AGBL4: variants seen among roughly 807,000 people sequenced by gnomAD.
AGBL4 encodes the protein cytosolic carboxypeptidase 6.
Under a neutral mutation model 66.4 loss-of-function variants are expected in AGBL4, and 58 were observed. That is an observed-to-expected ratio of 0.87 (90% CI 0.71 to 1.09). The LOEUF (loss-of-function observed/expected upper bound fraction) is 1.09. Among genes scored for constraint, AGBL4 ranks in the 50% least tolerant of loss-of-function variants. The pLI is 0.00. For missense variants in AGBL4, 579 were observed against 631.0 expected (o/e 0.92, Z 0.88); for synonymous variants, 234 against 222.9 (o/e 1.05, Z -0.44).
chr1:49,563,177 T>C (rs537323621), intron 3 of AGBL4, among the ~76,000 whole-genome samples: 4,631 of 149,876 alleles, frequency 0.031, 105 homozygotes, highest in Non-Finnish European at 0.047. Flanking sequence ...GAGACTTTGC[T>C]GAAGTTGCTT....
chr1:49,494,156 C>T (rs1234710110), intron 3 of AGBL4, among the ~76,000 whole-genome samples: 2 of 151,920 alleles, frequency 1.3e-5, no homozygotes, highest in African/African-American at 4.8e-5. Flanking sequence ...ATTAAATTCA[C>T]TGAAGCCCAC....
chr1:49,966,689 CATT>C (rs1182793421), intron 1 of AGBL4, among the ~76,000 whole-genome samples: 1 of 152,068 alleles, frequency 6.6e-6, no homozygotes, highest in Non-Finnish European at 1.5e-5. Context: ...GTATCTATAT[CATT>C]AAGTGTCTTG....
chr1:49,290,088 AATC>A (rs1369458750), intron 3 of AGBL4, among the ~76,000 whole-genome samples: 22 of 152,224 alleles, frequency 1.4e-4, no homozygotes, highest in Admixed American at 9.2e-4. Flanking sequence ...ATTTAAATAA[AATC>A]ATCAAATTAC....
intron 2 of AGBL4, among the ~76,000 whole-genome samples, chr1:49,846,840 G>T (rs1013013529): frequency 3.3e-5 from 5 of 152,102 alleles, no homozygotes; most frequent in African/African-American, 1.2e-4. Context: ...TACTGTTAAA[G>T]TGATCACACT....
At chr1:49,544,716 G>A (rs1652341057) in intron 3 of AGBL4, among the ~76,000 whole-genome samples, 1 of 152,202 alleles carries the variant, frequency 6.6e-6, no homozygotes, top group African/African-American at 2.4e-5. Context: ...AGAAAACTGA[G>A]GTTCAGATTA....
intron 4 of AGBL4, among the ~76,000 whole-genome samples, chr1:49,077,801 G>A (rs1211720350): frequency 6.6e-6 from 1 of 152,052 alleles, no homozygotes; most frequent in Non-Finnish European, 1.5e-5. Flanking sequence ...GCTTCCAAAT[G>A]TATTTGTACC....
intron 1 of AGBL4, among the ~76,000 whole-genome samples, chr1:49,949,081 T>C (rs560797133): frequency 1.3e-5 from 2 of 150,778 alleles, no homozygotes; most frequent in South Asian, 2.1e-4. Flanking sequence ...GACAAAAACA[T>C]AAAGTGGGGA....
rs535178877 is a variant in AGBL4 at position 48,605,920 on chromosome 1, G to C, written c.952-14935C>G. Among the ~76,000 whole-genome samples, 11 of 152,240 alleles carry C rather than the reference G, an allele frequency of 7.2e-5. No individual in the cohort carries two copies. The South Asian group carries it at 2.3e-3, about 32-fold the overall frequency. On this transcript the variant is annotated intron_variant, in intron 9 of 13. Coordinates refer to ENST00000371839, the MANE Select transcript of AGBL4 (RefSeq NM_032785.4). ...TTCTTGCTATTGGAACAAAAATAAA[G>C]AGTACATCATAAGCAAAGCTGTATT...
intron 4 of AGBL4, among the ~76,000 whole-genome samples, chr1:49,095,986 T>A (rs2147990169): frequency 6.6e-6 from 1 of 151,732 alleles, no homozygotes; most frequent in African/African-American, 2.4e-5. Flanking sequence ...ATCAAACAAA[T>A]TTACAAAAAA....
At chr1:49,755,555 T>C (rs369460569) in intron 2 of AGBL4, among the ~76,000 whole-genome samples, 1 of 152,206 alleles carries the variant, frequency 6.6e-6, no homozygotes, top group South Asian at 2.1e-4. Context: ...TCTTAGTTTT[T>C]CTTAAATAAT....
chr1:49,053,709 T>C (rs1029363298), intron 4 of AGBL4, among the ~76,000 whole-genome samples: 4 of 152,180 alleles, frequency 2.6e-5, no homozygotes, highest in African/African-American at 9.6e-5. Context: ...AAAAAAATTT[T>C]TTGTCTGTTA....
intron 7 of AGBL4, among the ~76,000 whole-genome samples, chr1:48,657,862 T>G (rs1052193914): frequency 6.6e-6 from 1 of 152,236 alleles, no homozygotes; most frequent in African/African-American, 2.4e-5. Flanking sequence ...CTGCACTTCT[T>G]TTTTGAGATT....
intron 3 of AGBL4, among the ~76,000 whole-genome samples, chr1:49,320,775 C>G (rs143122563): frequency 1.3e-5 from 2 of 152,086 alleles, no homozygotes; most frequent in African/African-American, 4.8e-5. Context: ...AAAGATACTA[C>G]CTGAGACTGA....
chr1:49,465,036 G>A (rs1300853039), intron 3 of AGBL4, among the ~76,000 whole-genome samples: 3 of 151,608 alleles, frequency 2.0e-5, no homozygotes, highest in African/African-American at 7.3e-5. Context: ...AAAGAACACT[G>A]GCATTTTAAG....
At chr1:49,995,530 C>G (rs1231196754) in intron 1 of AGBL4, 1 of 327,730 alleles carries the variant, frequency 3.1e-6, no homozygotes, top group Non-Finnish European at 6.0e-6. Context: ...ACATGCCTAA[C>G]CCTGCCCTCA....
At chr1:49,139,688 A>G (rs1388366219) in intron 4 of AGBL4, among the ~76,000 whole-genome samples, 3 of 152,208 alleles carry the variant, frequency 2.0e-5, no homozygotes, top group Non-Finnish European at 2.9e-5. Flanking sequence ...GGATGGATGA[A>G]TATGAGGATA....
rs537658105 is a variant in AGBL4, at chr1:49,744,325, C to T, written c.158-46888G>A. Among the ~76,000 whole-genome samples the T allele has an allele frequency of 9.2e-5, 14 of 152,204 alleles. No homozygotes were observed. The East Asian group carries it at 2.5e-3, about 27-fold the overall frequency. On this transcript the variant is annotated intron_variant, in intron 2 of 13. Transcript: ENST00000371839. The stretch of plus-strand genomic sequence containing the variant: ...CTCTCTCTCTTGCTCCTGCTCCCAC[C>T]ATGTGAGATGCCTTGCTCCCCATTT...
intron 11 of AGBL4, among the ~76,000 whole-genome samples, chr1:48,547,986 A>T (rs1046746724): frequency 2.6e-5 from 4 of 152,128 alleles, no homozygotes; most frequent in Admixed American, 6.6e-5. Context: ...CAATAAGCTT[A>T]TGAGAAATCC....
At chr1:49,688,038 C>T (rs1156635497) in intron 3 of AGBL4, among the ~76,000 whole-genome samples, 1 of 152,102 alleles carries the variant, frequency 6.6e-6, no homozygotes, top group Non-Finnish European at 1.5e-5. Context: ...GGGTATGCAT[C>T]CCTCAAGCAT....
Sources: gnomAD v4.1 joint callset for allele counts (sites outside exome capture counted in the v4.1 genomes callset) on GRCh38, gnomAD v4.1.1 for gene constraint, MANE v1.5 for transcripts, NCBI Gene and HGNC (gene_info 2026-07-23, HGNC 2026-07-21) for gene names.